The following TCF12 variants were observed in gnomAD, a reference collection of about 807,000 sequenced individuals.
TCF12 encodes the protein transcription factor 12, also known as DNA-binding protein HTF4.
In TCF12, 45 loss-of-function variants were observed where a neutral mutation model predicts 86.0. The observed-to-expected ratio is 0.52, with a 90% CI of 0.41 to 0.67. The LOEUF is 0.67. Ranked by LOEUF, TCF12 falls within the 30% of genes least tolerant of loss-of-function variation. The pLI, the probability that TCF12 is intolerant of heterozygous loss-of-function variation, is 0.00. For missense variants in TCF12, 881 were observed against 859.9 expected (o/e 1.02, Z -0.31); for synonymous variants, 330 against 299.6 (o/e 1.10, Z -1.05).
chr15:57,015,811 A>G (rs1403821531), intron 3 of TCF12, among the ~76,000 whole-genome samples: 1 of 152,198 alleles, frequency 6.6e-6, no homozygotes, highest in Admixed American at 6.5e-5. Flanking sequence ...ACTGATTTAT[A>G]TCTTACTTGT....
chr15:57,222,271 G>A (rs192450490), intron 8 of TCF12, among the ~76,000 whole-genome samples: 1 of 150,260 alleles, frequency 6.7e-6, no homozygotes, highest in African/African-American at 2.4e-5. Context: ...ATATTTAAGG[G>A]TATTTCAGAT....
At chr15:57,118,867 T>TG (rs1451427721) in intron 5 of TCF12, among the ~76,000 whole-genome samples, 2 of 152,214 alleles carry the variant, frequency 1.3e-5, no homozygotes, top group Non-Finnish European at 2.9e-5. Context: ...TGTACACACT[T>TG]GCCTGAAGAT....
At chr15:57,192,898 C>A (rs1461456804) in intron 7 of TCF12, among the ~76,000 whole-genome samples, 3 of 152,168 alleles carry the variant, frequency 2.0e-5, no homozygotes, top group African/African-American at 7.2e-5. Context: ...ATAATTTTAA[C>A]AAGTTTCAAA....
chr15:57,083,367 GCTTA>G (rs1229359333), intron 4 of TCF12, among the ~76,000 whole-genome samples: 1 of 151,814 alleles, frequency 6.6e-6, no homozygotes, highest in African/African-American at 2.4e-5. Flanking sequence ...TTTTTTTCCT[GCTTA>G]CTTGATGCGA....
At chr15:57,023,785 A>G (rs1449220290) in intron 3 of TCF12, among the ~76,000 whole-genome samples, 2 of 152,192 alleles carry the variant, frequency 1.3e-5, no homozygotes, top group Non-Finnish European at 2.9e-5. Flanking sequence ...AAAGGTGCCA[A>G]CCTTTTTGGC....
intron 12 of TCF12, among the ~76,000 whole-genome samples, chr15:57,236,898 T>C (rs1315744540): frequency 6.6e-6 from 1 of 151,700 alleles, no homozygotes; most frequent in Non-Finnish European, 1.5e-5. Context: ...TGGGTATTCG[T>C]GCCATTTCTA....
intron 5 of TCF12, among the ~76,000 whole-genome samples, chr15:57,105,704 G>A (rs556375598): frequency 3.9e-5 from 6 of 152,222 alleles, no homozygotes; most frequent in Admixed American, 1.3e-4. Context: ...GAGCTACCAC[G>A]CCCAACCATG....
intron 13 of TCF12, chr15:57,247,041 A>G (rs2059896670): frequency 1.8e-6 from 1 of 553,496 alleles, no homozygotes; most frequent in Non-Finnish European, 3.5e-6. Context: ...GCCCCCTTTC[A>G]TGGGTTCATA....
chr15:56,942,791 C>G (rs1385070259), intron 3 of TCF12, among the ~76,000 whole-genome samples: 2 of 152,016 alleles, frequency 1.3e-5, no homozygotes, highest in African/African-American at 4.8e-5. Context: ...TCTTTAAAGA[C>G]TTTATTGGCT....
chr15:56,919,419 G>C (rs1008253785), intron 1 of TCF12: 1 of 152,532 alleles, frequency 6.6e-6, no homozygotes, highest in Non-Finnish European at 1.5e-5. Flanking sequence ...GCGGGCCTGC[G>C]AGCGGCGCGT....
chr15:57,146,430 T>C (rs2053368356), intron 5 of TCF12, among the ~76,000 whole-genome samples: 1 of 152,238 alleles, frequency 6.6e-6, no homozygotes, highest in African/African-American at 2.4e-5. Context: ...TTATATTTAA[T>C]AGCCAGTGTA....
intron 5 of TCF12, among the ~76,000 whole-genome samples, chr15:57,127,462 C>T (rs1303422034): frequency 1.3e-5 from 2 of 152,200 alleles, no homozygotes; most frequent in South Asian, 2.1e-4. Context: ...AATAGAGTAG[C>T]GTTTATCATA....
chr15:56,968,828 A>C (rs117166784), intron 3 of TCF12, among the ~76,000 whole-genome samples: 10,475 of 152,288 alleles, frequency 0.069, 480 homozygotes, highest in Middle Eastern at 0.14. Context: ...TTAGGGAGAC[A>C]TGAGACATCA....
At chr15:56,970,226 A>G (rs559558641) in intron 3 of TCF12, among the ~76,000 whole-genome samples, 2 of 152,300 alleles carry the variant, frequency 1.3e-5, no homozygotes, top group South Asian at 4.1e-4. Context: ...TCATGCCTGT[A>G]ATCCCAGCAC....
Position 57,038,269 on chromosome 15 carries a change from TA to T in TCF12, c.149-25471del, listed in dbSNP as rs35441538. ...CAACATAGTGAGATCCCATCTCTGT[TA>T]AAAAAAAAATTGCTGGACATGAGGG... On this transcript the variant is annotated intron_variant, in intron 3 of 20. Transcript: ENST00000333725. Among the ~76,000 whole-genome samples the T allele has an allele frequency of 9.1e-3, 1,361 of 149,428 alleles. 26 individuals are homozygous for T. The highest frequency in any genetic ancestry group is 0.03 in the African/African-American group (1,210 of 40,810).
intron 5 of TCF12, among the ~76,000 whole-genome samples, chr15:57,132,137 C>G (rs2052173365): frequency 6.6e-6 from 1 of 152,102 alleles, no homozygotes; most frequent in Non-Finnish European, 1.5e-5. Flanking sequence ...GGTGACAGAG[C>G]AAGCCCCCTC....
At chr15:56,973,232 G>A (rs2062427843) in intron 3 of TCF12, among the ~76,000 whole-genome samples, 1 of 152,060 alleles carries the variant, frequency 6.6e-6, no homozygotes, top group Non-Finnish European at 1.5e-5. Flanking sequence ...AGACAGGTGT[G>A]TACATATATG....
intron 4 of TCF12, among the ~76,000 whole-genome samples, chr15:57,070,224 G>A (rs2069253666): frequency 6.6e-6 from 1 of 152,000 alleles, no homozygotes. Context: ...TAATAGGTAT[G>A]TTCTGAGGCT....
intron 5 of TCF12, among the ~76,000 whole-genome samples, chr15:57,103,525 C>T (rs1387281893): frequency 2.0e-5 from 3 of 152,082 alleles, no homozygotes; most frequent in African/African-American, 7.2e-5. Flanking sequence ...AAAACAGTCC[C>T]AAACGCACTT....
Sources: gnomAD v4.1 joint callset for allele counts (sites outside exome capture counted in the v4.1 genomes callset) on GRCh38, gnomAD v4.1.1 for gene constraint, MANE v1.5 for transcripts, NCBI Gene and HGNC (gene_info 2026-07-23, HGNC 2026-07-21) for gene names.